Variants in PTPRG observed in about 807,000 individuals in gnomAD.
PTPRG encodes protein tyrosine phosphatase receptor type G, also known as receptor-type tyrosine-protein phosphatase gamma.
In PTPRG, 102 loss-of-function variants were observed where a neutral mutation model predicts 165.3. The observed-to-expected ratio is 0.62, with a 90% CI of 0.53 to 0.73. The LOEUF (loss-of-function observed/expected upper bound fraction) is 0.73. PTPRG is among the 30% of genes least tolerant of loss of function. The pLI is 0.00. For missense variants in PTPRG, 1,866 were observed against 1,861.4 expected, an observed-to-expected ratio of 1.00 and a Z score of -0.05; for synonymous variants, 675 against 669.5, an observed-to-expected ratio of 1.01 and a Z score of -0.13.
intron 5 of PTPRG, among the ~76,000 whole-genome samples, chr3:62,092,333 G>A (rs184973570): frequency 1.3e-5 from 2 of 150,892 alleles, no homozygotes; most frequent in African/African-American, 4.9e-5. Flanking sequence ...CCTGCTGCTC[G>A]GGAGGCCGAG....
intron 2 of PTPRG, among the ~76,000 whole-genome samples, chr3:61,980,769 T>A (rs1042389527): frequency 6.6e-6 from 1 of 152,208 alleles, no homozygotes; most frequent in African/African-American, 2.4e-5. Context: ...CAGATCTTCC[T>A]CTCTATTTTC....
intron 1 of PTPRG, among the ~76,000 whole-genome samples, chr3:61,703,087 A>G (rs1208312270): frequency 6.6e-6 from 1 of 151,354 alleles, no homozygotes; most frequent in East Asian, 1.9e-4. Context: ...CGTTACCACT[A>G]CCCTCTGCTG....
Position 61,972,658 on chromosome 3 carries a change from C to CTTT in PTPRG, c.191-16957_191-16955dup, listed in dbSNP as rs60516628. Among the ~76,000 whole-genome samples, 32 of 137,764 alleles carry CTTT rather than the reference C, an allele frequency of 2.3e-4. 1 individual carries two copies. Among genetic ancestry groups the CTTT allele is most frequent in the Admixed American group, 1.1e-3 (15 of 13,660 alleles). 90.4% of individuals were successfully genotyped at this position (137,764 alleles called of 152,430 possible). A position where few individuals can be genotyped will look rare whatever the true frequency, so the allele number is the denominator to read the frequency against. Reference sequence around the variant, plus strand: ...CGTTCTTTTTCTTTTTTTTTCTTTTCTTTTTTTTTTTTGAGACATGGTCTC... The same window carrying CTTT: ...CGTTCTTTTTCTTTTTTTTTCTTTTCTTTTTTTTTTTTTTTGAGACATGGTCTC... On this transcript the variant is annotated intron_variant, in intron 2 of 29. Coordinates refer to ENST00000474889, the MANE Select transcript of PTPRG (RefSeq NM_002841.4).
At chr3:62,132,731 G>C (rs1703564247) in intron 6 of PTPRG, 63 bp downstream of exon 6, 2 of 1,411,136 alleles carry the variant, frequency 1.4e-6, no homozygotes, top group African/African-American at 1.4e-5. Context: ...CTACCTAAAA[G>C]AATCAGGTTA....
At chr3:62,149,137 C>T (rs967120488) in intron 6 of PTPRG, among the ~76,000 whole-genome samples, 1 of 152,218 alleles carries the variant, frequency 6.6e-6, no homozygotes, top group African/African-American at 2.4e-5. Flanking sequence ...CTGTCATTCC[C>T]ATTACATCCT....
In PTPRG at chr3:61,738,326, A is replaced by ATGTG. The variant is rs374632240; in HGVS notation, c.86-10551_86-10550insGTGT. 2.0e-3 allele frequency among the ~76,000 whole-genome samples: 217 copies of ATGTG among 110,632 alleles called. 14 individuals are homozygous for ATGTG. Among genetic ancestry groups the ATGTG allele is most frequent in the African/African-American group, 3.7e-3 (110 of 29,760 alleles). The allele number at this position is 110,632 out of a possible 152,430, so 72.6% of individuals were successfully genotyped here. A position where few individuals can be genotyped will look rare whatever the true frequency, so the allele number is the denominator to read the frequency against. ...TATATATATATACATATATATATATATATATATATATGTATATATATATAT... is the reference window on the plus strand; with the variant it reads ...TATATATATATACATATATATATATATGTGTATATATATATGTATATATATATAT... On this transcript the variant is annotated intron_variant, in intron 1 of 29. Transcript: ENST00000474889.
At chr3:61,605,573 G>A (rs13068376) in intron 1 of PTPRG, among the ~76,000 whole-genome samples, 406 of 24,524 alleles carry the variant, frequency 0.017, 6 homozygotes, top group Admixed American at 0.16. Context: ...TTATTTTTTT[G>A]TTTTTTTTAT....
At chr3:61,931,084 TC>T (rs930306191) in intron 2 of PTPRG, among the ~76,000 whole-genome samples, 2 of 152,044 alleles carry the variant, frequency 1.3e-5, no homozygotes, top group African/African-American at 4.8e-5. Context: ...GGCCCAAAGC[TC>T]CTTCCTGCCC....
intron 2 of PTPRG, chr3:61,770,852 T>G (rs1332114633): frequency 2.6e-5 from 4 of 152,206 alleles, no homozygotes; most frequent in Non-Finnish European, 5.9e-5. Context: ...CAAGGAATGC[T>G]TTTTCCTTGA....
At chr3:61,867,632 A>G (rs1024950956) in intron 2 of PTPRG, among the ~76,000 whole-genome samples, 2 of 152,126 alleles carry the variant, frequency 1.3e-5, no homozygotes, top group African/African-American at 2.4e-5. Flanking sequence ...ATCTCAGGGC[A>G]TGGTTCCTAT....
intron 1 of PTPRG, among the ~76,000 whole-genome samples, chr3:61,600,851 T>C (rs947274646): frequency 6.6e-6 from 1 of 152,208 alleles, no homozygotes; most frequent in African/African-American, 2.4e-5. Flanking sequence ...TGTTTTTGTT[T>C]TTTAAAATGT....
intron 5 of PTPRG, among the ~76,000 whole-genome samples, chr3:62,091,444 TGA>T (rs1701926445): frequency 6.6e-6 from 1 of 152,178 alleles, no homozygotes; most frequent in Non-Finnish European, 1.5e-5. Flanking sequence ...CCAAGTCGGC[TGA>T]GAGAGAGACA....
intron 4 of PTPRG, among the ~76,000 whole-genome samples, chr3:62,047,511 C>T (rs1700335576): frequency 6.6e-6 from 1 of 151,914 alleles, no homozygotes; most frequent in South Asian, 2.1e-4. Context: ...ATCTGCCCTC[C>T]CCAGCCTCCC....
intron 2 of PTPRG, among the ~76,000 whole-genome samples, chr3:61,926,602 TCCC>T (rs1559693500): frequency 0.033 from 1,052 of 31,550 alleles, 26 homozygotes; most frequent in African/African-American, 0.11. Context: ...CCTCCCTCCC[TCCC>T]TCCCTCCTTC....
At chr3:61,604,572 A>G (rs986941784) in intron 1 of PTPRG, among the ~76,000 whole-genome samples, 5 of 152,186 alleles carry the variant, frequency 3.3e-5, no homozygotes, top group African/African-American at 1.2e-4. Flanking sequence ...CCTCTCAACC[A>G]GCCTGTAATG....
At chr3:62,105,289 G>A (rs538568120) in intron 5 of PTPRG, among the ~76,000 whole-genome samples, 58 of 152,304 alleles carry the variant, frequency 3.8e-4, no homozygotes, top group African/African-American at 1.4e-3. Context: ...TAGCCAAATA[G>A]CTATATTAAT....
At position 62,132,665 on chromosome 3, in the gene PTPRG, C is replaced by G; in HGVS notation, c.679C>G (p.His227Asp). The G allele has an allele frequency of 6.2e-7, 1 of 1,608,592 alleles. No individual in the cohort carries two copies. The highest frequency in any genetic ancestry group is 8.5e-7 in the Non-Finnish European group (1 of 1,174,952). ...CCACGGGTTGAAGGGTGTCGTACAT[C>G]ATGGTAAGTATGCCACATACACTTC... ...IIHGLKGVVH[H>D]EKETFLDPFV... The change falls in exon 6 of 30, where the codon CAT becomes GAT. Residue 227 changes from histidine to aspartate, a missense_variant. His to Asp is a moderately conservative substitution (Grantham distance 81). Coordinates refer to ENST00000474889, the MANE Select transcript of PTPRG (RefSeq NM_002841.4).
chr3:62,051,971 C>T (rs959255960), intron 4 of PTPRG, among the ~76,000 whole-genome samples: 7 of 152,152 alleles, frequency 4.6e-5, no homozygotes, highest in Non-Finnish European at 8.8e-5. Context: ...AACCACCTCT[C>T]CCAGAATAGA....
chr3:61,615,261 C>T lies in PTPRG; in HGVS notation c.85+52889C>T, dbSNP rs563137175. 3.3e-5 allele frequency among the ~76,000 whole-genome samples: 5 copies of T among 152,316 alleles called. No individual in the cohort carries two copies. In the East Asian group the frequency reaches 7.7e-4, roughly 24 times the overall value. ...TGACAGAAGGAACCATTTAGAATCA[C>T]GTGTCTGTTGTTAGTCTCTTTCAGG... On this transcript the variant is annotated intron_variant, in intron 1 of 29. Coordinates refer to ENST00000474889, the MANE Select transcript of PTPRG (RefSeq NM_002841.4).
Sources: allele counts gnomAD v4.1 joint callset (sites outside exome capture counted in the v4.1 genomes callset), GRCh38; gene constraint gnomAD v4.1.1; transcripts MANE v1.5; gene names NCBI Gene and HGNC (gene_info 2026-07-23, HGNC 2026-07-21).